Variants in ATG9A observed in about 807,000 individuals in gnomAD.
ATG9A encodes autophagy-related protein 9A.
ATG9A carries 21 observed loss-of-function variants against 87.1 expected under a neutral mutation model. The ratio of observed to expected loss-of-function variants is 0.24; its 90% CI spans 0.17 to 0.35. The LOEUF is 0.35. Ranked by LOEUF, ATG9A falls within the 10% of genes least tolerant of loss-of-function variation. ATG9A has a pLI of 1.00. For missense variants in ATG9A, 836 were observed against 1,107.3 expected (o/e 0.76, Z 3.48); for synonymous variants, 422 against 441.3 (o/e 0.96, Z 0.55).
At chr2:219,220,982 G>C (rs1434173509) in intron 14 of ATG9A, 90 bp from the exon 15 acceptor site, 46 of 1,593,040 alleles carry the variant, frequency 2.9e-5, no homozygotes, top group Non-Finnish European at 3.7e-5. Context: ...GTGAGTCTTT[G>C]GGCCTGTTCT....
In ATG9A at chr2:219,225,494, C is replaced by G. The variant is rs773124926; in HGVS notation, c.291G>C (p.Met97Ile). ...CAGTAGGGTGAAGACTGTGGTTCAC[C>G]ATCTTGTTGGCAAATAGGATGTCAT... is the stretch of plus-strand genomic sequence containing the variant. The part of the protein sequence containing the change: ...VDYDILFANK[M>I]VNHSLHPTEP... The change falls in exon 6 of 16, where the codon ATG (methionine) becomes ATC (isoleucine). Residue 97 changes from methionine (M) to isoleucine (I), a missense_variant. Met to Ile is a conservative substitution (Grantham distance 10). Coordinates refer to ENST00000361242, the MANE Select transcript of ATG9A (RefSeq NM_001077198.3). The G allele has an allele frequency of 6.2e-7, 1 of 1,614,040 alleles. No homozygotes were observed. Among genetic ancestry groups the G allele is most frequent in the Non-Finnish European group, 8.5e-7 (1 of 1,180,036 alleles).
intron 15 of ATG9A, 123 bp downstream of exon 15, chr2:219,220,624 T>C: frequency 6.7e-7 from 1 of 1,494,664 alleles, no homozygotes; most frequent in Non-Finnish European, 9.1e-7. Context: ...TAGTGTGTTT[T>C]GGAAGGGAGG....
chr2:219,225,335 GCCT>G, intron 6 of ATG9A, 73 bp downstream of exon 6: 1 of 1,592,770 alleles, frequency 6.3e-7, no homozygotes, highest in South Asian at 1.1e-5. Context: ...ATGAGTTGCT[GCCT>G]CAGACTCCAC....
In ATG9A at chr2:219,224,659, C is replaced by T. The variant is rs183286778; in HGVS notation, c.712G>A (p.Gly238Arg). 5.6e-5 allele frequency: 90 copies of T among 1,614,214 alleles called. No homozygotes were observed. The Admixed American group carries it at 6.7e-4, about 12-fold the overall frequency. ...CCACGGGTGAAGAAGACAGCTTCCC[C>T]GAGGCCAGGCAGGCGGAAGCGCAGA... ...LPLRFRLPGL[G>R]EAVFFTRGLK... Residue 238 changes from glycine (G) to arginine (R), a missense_variant, in exon 8 of 16, where the codon GGG becomes AGG. Physicochemically the swap from Gly to Arg is moderately radical, Grantham distance 125. Transcript: ENST00000361242. The surrounding 1 kb of genome is among the most constrained non-coding windows in gnomAD (Gnocchi z 7.7).
chr2:219,224,883 G>T lies in ATG9A; in HGVS notation c.517-29C>A, dbSNP rs773434756. 1.2e-6 allele frequency: 2 copies of T among 1,607,542 alleles called. No individual in the cohort carries two copies. The highest frequency in any genetic ancestry group is 2.2e-5 in the South Asian group (2 of 90,904). On this transcript the variant is annotated intron_variant, in intron 7 of 15. Coordinates refer to ENST00000361242, the MANE Select transcript of ATG9A (RefSeq NM_001077198.3). The surrounding 1 kb of genome is among the most constrained non-coding windows in gnomAD (Gnocchi z 7.7). ...CGGGGTGGGGTGGGGAAGAGACAAG[G>T]TACGGAAGGTGGGGTTGTTGCCTCG...
At position 219,223,390 on chromosome 2, in the gene ATG9A, G is replaced by C. The variant is rs930191531; in HGVS notation, c.1599+195C>G. ...GACGTGAGCCACCGCGCCTGGCCGT[G>C]TTGTGCCTTTCTTAAGGGAGCTTGG... On this transcript the variant is annotated intron_variant, in intron 10 of 15. Transcript: ENST00000361242. This position sits in a 1 kb window ranked among gnomAD's most constrained non-coding sequence, Gnocchi z 4.7. Among the ~76,000 whole-genome samples the C allele has an allele frequency of 6.6e-6, 1 of 152,120 alleles. No individual in the cohort carries two copies. Among genetic ancestry groups the C allele is most frequent in the Non-Finnish European group, 1.5e-5 (1 of 68,030 alleles).
Position 219,228,442 on chromosome 2 carries a change from T to A in ATG9A, c.-38A>T, listed in dbSNP as rs529489870. 3.0e-5 allele frequency: 5 copies of A among 168,180 alleles called. No individual in the cohort carries two copies. The highest frequency in any genetic ancestry group is 6.5e-5 in the Non-Finnish European group (5 of 77,262). The allele number at this position is 168,180 out of a possible 1,614,324, so 10.4% of individuals were successfully genotyped here. On this transcript the variant is annotated 5_prime_UTR_variant, in exon 2 of 16. An upstream start codon of the reference 5' UTR is lost. Coordinates refer to ENST00000361242, the MANE Select transcript of ATG9A (RefSeq NM_001077198.3). ...AAAGCACATGGCCCTACCAGCTCCA[T>A]GGACAGTATGTGCTCCTCTCCAGCC...
rs768832707 is a variant in ATG9A, at chr2:219,222,319, G to C, written c.1980C>G (p.Pro660=). 1 of 1,613,370 alleles carries C rather than the reference G, an allele frequency of 6.2e-7. No homozygotes were observed. Among genetic ancestry groups the C allele is most frequent in the Admixed American group, 1.7e-5 (1 of 60,020 alleles). The change falls in exon 12 of 16, where the codon CCC becomes CCG. Residue 660 remains proline, a synonymous_variant. Transcript: ENST00000361242. The surrounding 1 kb of genome is among the most constrained non-coding windows in gnomAD (Gnocchi z 4.3). The part of the protein sequence containing the change: ...SALRSFSPLQ[P]GQAPTGRAHS... The stretch of plus-strand genomic sequence containing the variant: ...GAGCCCGGCCTGTGGGCGCCTGCCC[G>C]GGTTGCAGCGGGGAGAAGGAGCGCA...
At position 219,227,785 on chromosome 2, in the gene ATG9A, G is replaced by A. The variant is rs747540992; in HGVS notation, c.132C>T (p.Asp44=). 5.0e-6 allele frequency: 8 copies of A among 1,614,006 alleles called. No homozygotes were observed. In the East Asian group the frequency reaches 8.9e-5, roughly 18 times the overall value. Residue 44 remains aspartate, a synonymous_variant, in exon 4 of 16, where the codon GAC becomes GAT. Coordinates refer to ENST00000361242, the MANE Select transcript of ATG9A (RefSeq NM_001077198.3). ...CAAAGGATATTCGAGAGAAGAAGAG[G>A]TCAAGGTTTTCAATATGGTGCCAAG... is the stretch of plus-strand genomic sequence containing the variant. ...KSPWHHIENL[D]LFFSRVYNLH... is the part of the protein sequence containing the mutation.
chr2:219,228,320 T>C (rs1453193431), intron 2 of ATG9A, 114 bp downstream of exon 2: 1 of 399,326 alleles, frequency 2.5e-6, no homozygotes, highest in African/African-American at 2.0e-5. Context: ...CATCTTCTAT[T>C]TAACGGACAG....
In ATG9A at chr2:219,225,273, G is replaced by A. The variant is rs939216058; in HGVS notation, c.375-61C>T. ...TCGAGGAAGGAGTCTTGGCAGAGAC[G>A]CTGCTATCCTGAAGTATTTTTGCTA... is the stretch of plus-strand genomic sequence containing the variant. On this transcript the variant is annotated intron_variant, in intron 6 of 15. Coordinates refer to ENST00000361242, the MANE Select transcript of ATG9A (RefSeq NM_001077198.3). The A allele has an allele frequency of 8.7e-6, 14 of 1,609,310 alleles. No individual in the cohort carries two copies. The African/African-American group carries it at 1.1e-4, about 12-fold the overall frequency.
Position 219,220,298 on chromosome 2 carries a change from T to TG in ATG9A, c.*148dup. The TG allele has an allele frequency of 9.3e-7, 1 of 1,071,416 alleles. No homozygotes were observed. Among genetic ancestry groups the TG allele is most frequent in the Non-Finnish European group, 1.4e-6 (1 of 740,224 alleles). 66.4% of individuals were successfully genotyped at this position (1,071,416 alleles called of 1,614,324 possible). A position where few individuals can be genotyped will look rare whatever the true frequency, so the allele number is the denominator to read the frequency against. ...CCTGGGGCTGTGGCAAGCCCAGTGT[T>TG]GGCACCTCCCTTGGCCAGGCACAGA... On this transcript the variant is annotated 3_prime_UTR_variant, in exon 16 of 16. Coordinates refer to ENST00000361242, the MANE Select transcript of ATG9A (RefSeq NM_001077198.3).
intron 15 of ATG9A, 26 bp downstream of exon 15, chr2:219,220,721 T>G (rs763796309): frequency 6.2e-7 from 1 of 1,603,724 alleles, no homozygotes; most frequent in Admixed American, 1.7e-5. Context: ...TTTCTGGCAG[T>G]TTTTCCTAGG....
At chr2:219,226,763 G>T in intron 5 of ATG9A, 106 bp downstream of exon 5, 1 of 1,046,974 alleles carries the variant, frequency 9.6e-7, no homozygotes. Flanking sequence ...CGGAGTTTTA[G>T]CCTAGGACTG....
At position 219,224,545 on chromosome 2, in the gene ATG9A, C is replaced by A. The variant is rs777878102; in HGVS notation, c.826G>T (p.Gly276Trp). 9.9e-6 allele frequency: 16 copies of A among 1,614,076 alleles called. No homozygotes were observed. The African/African-American group carries it at 1.2e-4, about 12-fold the overall frequency. Residue 276 changes from glycine to tryptophan, a missense_variant, in exon 8 of 16, where the codon GGG becomes TGG. This residue lies in a region of ATG9A where 512 missense variants were observed against 759.6 expected (regional missense o/e 0.67). Coordinates refer to ENST00000361242, the MANE Select transcript of ATG9A (RefSeq NM_001077198.3). This position sits in a 1 kb window ranked among gnomAD's most constrained non-coding sequence, Gnocchi z 7.7. ...EWSLKAEYKR[G>W]GQRLELAQRL... The stretch of plus-strand genomic sequence containing the variant: ...TGGGCCAGCTCTAGCCGTTGCCCCC[C>A]ACGTTTGTACTCGGCCTTGAGGCTC...
Position 219,225,194 on chromosome 2 carries a change from G to A in ATG9A, c.393C>T (p.Ser131=), listed in dbSNP as rs1246650609. The change falls in exon 7 of 16, where the codon TCC becomes TCT. Residue 131 remains serine, a synonymous_variant. Transcript: ENST00000361242. ...VCSARIQENG[S]LITILVIAGV... is the part of the protein sequence containing the mutation. ...CAGCAATGACCAGGATGGTGATAAG[G>A]GAGCCATTTTCCTGAATCCTGGTGG... 4 of 1,614,096 alleles carry A rather than the reference G, an allele frequency of 2.5e-6. 1 individual carries two copies. In the South Asian group the frequency reaches 3.3e-5, roughly 13 times the overall value.
Position 219,220,361 on chromosome 2 carries a change from AGAG to A in ATG9A, c.*83_*85del. 1 of 1,530,930 alleles carries A rather than the reference AGAG, an allele frequency of 6.5e-7. No homozygotes were observed. Among genetic ancestry groups the A allele is most frequent in the Non-Finnish European group, 9.0e-7 (1 of 1,109,474 alleles). 94.8% of individuals were successfully genotyped at this position (1,530,930 alleles called of 1,614,324 possible). ...ACACACGTGGGGCCAGGGAACACTCAGAGGAGCCGTCCCATGGCAGGCAGACGG... is the reference window on the plus strand; with the variant it reads ...ACACACGTGGGGCCAGGGAACACTCAGAGCCGTCCCATGGCAGGCAGACGG... On this transcript the variant is annotated 3_prime_UTR_variant, in exon 16 of 16. Coordinates refer to ENST00000361242, the MANE Select transcript of ATG9A (RefSeq NM_001077198.3).
At position 219,224,000 on chromosome 2, in the gene ATG9A, T is replaced by C; in HGVS notation, c.1288A>G (p.Met430Val). Residue 430 changes from methionine (M) to valine (V), a missense_variant, in exon 9 of 16, where the codon ATG (methionine) becomes GTG (valine). Physicochemically the swap from Met to Val is conservative, Grantham distance 21. Coordinates refer to ENST00000361242, the MANE Select transcript of ATG9A (RefSeq NM_001077198.3). The surrounding 1 kb of genome is among the most constrained non-coding windows in gnomAD (Gnocchi z 4.7). ...AGCAGCTGCTCAGGGCAGAACACCA[T>C]GTGCTGGTCCGGGATAAAGGACCTA... is the stretch of plus-strand genomic sequence containing the variant. ...VCRSFIPDQHMVFCPEQLLRV... is the reference protein window; with the variant it reads ...VCRSFIPDQHVVFCPEQLLRV... 1.9e-6 allele frequency: 3 copies of C among 1,612,718 alleles called. No homozygotes were observed. The highest frequency in any genetic ancestry group is 2.5e-6 in the Non-Finnish European group (3 of 1,179,170).
chr2:219,222,699 C>G lies in ATG9A; in HGVS notation c.1794G>C (p.Leu598=). 1 of 1,614,216 alleles carries G rather than the reference C, an allele frequency of 6.2e-7. No individual in the cohort carries two copies. The highest frequency in any genetic ancestry group is 2.2e-5 in the East Asian group (1 of 44,892). The change falls in exon 11 of 16, where the codon CTG becomes CTC. Residue 598 remains leucine, a synonymous_variant. Transcript: ENST00000361242. The surrounding 1 kb of genome is among the most constrained non-coding windows in gnomAD (Gnocchi z 4.3). ...ACGTAAAGAGGGCATTTTCAGGGAGCAGACCCCCTTGGGCGAGGCTAGCAG... is the reference window on the plus strand; with the variant it reads ...ACGTAAAGAGGGCATTTTCAGGGAGGAGACCCCCTTGGGCGAGGCTAGCAG... ...GAAASLAQGG[L]LPENALFTSI...
Sources: allele counts gnomAD v4.1 joint callset (sites outside exome capture counted in the v4.1 genomes callset), GRCh38; gene constraint gnomAD v4.1.1; regional missense constraint gnomAD v4.1.1; non-coding constraint Gnocchi (gnomAD v3.1); transcripts MANE v1.5; gene names NCBI Gene and HGNC (gene_info 2026-07-23, HGNC 2026-07-21).